Variants in ALOX12B observed in about 807,000 individuals in gnomAD.
ALOX12B encodes the protein arachidonate 12-lipoxygenase, 12R type, also known as arachidonate 12-lipoxygenase, 12R-type.
In ALOX12B, 47 loss-of-function variants were observed where a neutral mutation model predicts 78.9. The ratio of observed to expected loss-of-function variants is 0.60; its 90% CI spans 0.47 to 0.76. The LOEUF (loss-of-function observed/expected upper bound fraction) is 0.76. ALOX12B is among the 30% of genes least tolerant of loss of function. The pLI is 0.00. For synonymous variants in ALOX12B, 370 were observed against 374.5 expected (o/e 0.99, Z 0.14); for missense variants, 805 against 922.6 (o/e 0.87, Z 1.65).
intron 2 of ALOX12B, chr17:8,081,573 C>T (rs1977218837): frequency 9.7e-6 from 3 of 308,040 alleles, no homozygotes; most frequent in Non-Finnish European, 2.0e-5. Flanking sequence ...TAAGTAATTT[C>T]TCATCATCCA....
chr17:8,087,541 G>A lies in ALOX12B; in HGVS notation c.-99C>T. The A allele has an allele frequency of 6.3e-7, 1 of 1,587,574 alleles. No individual in the cohort carries two copies. Among genetic ancestry groups the A allele is most frequent in the Admixed American group, 1.7e-5 (1 of 59,632 alleles). ...GGCAAGAGAAGCCAGGCACAGAGTG[G>A]AGTGGACAGGGCTGGCCTCCGAGGT... is the stretch of plus-strand genomic sequence containing the variant. On this transcript the variant is annotated 5_prime_UTR_variant, in exon 1 of 15. Transcript: ENST00000647874.
chr17:8,085,938 C>A (rs1978295531), intron 2 of ALOX12B, 78 bp downstream of exon 2: 11 of 1,553,386 alleles, frequency 7.1e-6, no homozygotes, highest in South Asian at 1.1e-5. Context: ...TGATGGGAGC[C>A]TGGGTGCCAT....
At chr17:8,075,140 C>G (rs1453601737) in intron 12 of ALOX12B, among the ~76,000 whole-genome samples, 1 of 152,166 alleles carries the variant, frequency 6.6e-6, no homozygotes, top group Non-Finnish European at 1.5e-5. Flanking sequence ...TCCTCAATAA[C>G]CAGCACAGTG....
In ALOX12B at chr17:8,073,809, C is replaced by A. The variant is rs78234608; in HGVS notation, c.1655-52G>T. 6.5e-3 allele frequency: 9,606 copies of A among 1,472,068 alleles called. 221 individuals are homozygous for A. The highest frequency in any genetic ancestry group is 0.059 in the East Asian group (2,550 of 43,032). The allele number at this position is 1,472,068 out of a possible 1,614,324, so 91.2% of individuals were successfully genotyped here. On this transcript the variant is annotated intron_variant, in intron 12 of 14. Coordinates refer to ENST00000647874, the MANE Select transcript of ALOX12B (RefSeq NM_001139.3). ...GACATCAGTCGTGCCCTGGTACTGG[C>A]TGCCCGGCAGAGGGCGCCACCATGC...
intron 2 of ALOX12B, among the ~76,000 whole-genome samples, chr17:8,085,732 A>G (rs1221224961): frequency 6.6e-6 from 1 of 152,168 alleles, no homozygotes; most frequent in Non-Finnish European, 1.5e-5. Flanking sequence ...CTGGAGAGGT[A>G]GCGGGGAGCG....
intron 2 of ALOX12B, among the ~76,000 whole-genome samples, chr17:8,082,638 T>C (rs1455603281): frequency 2.6e-5 from 4 of 152,228 alleles, no homozygotes; most frequent in Non-Finnish European, 5.9e-5. Context: ...TCCCTTTCAG[T>C]GTTTCACCCT....
At chr17:8,072,995 C>A (rs770936055) in intron 14 of ALOX12B, 45 bp from the exon 15 acceptor site, 38 of 1,596,212 alleles carry the variant, frequency 2.4e-5, no homozygotes, top group Non-Finnish European at 3.0e-5. Context: ...CCGGCCAGCA[C>A]CCCCTCCTCC....
intron 12 of ALOX12B, among the ~76,000 whole-genome samples, chr17:8,074,606 C>T (rs188338130): frequency 2.5e-4 from 38 of 151,030 alleles, no homozygotes; most frequent in Middle Eastern, 3.4e-3. Flanking sequence ...GCTTCCCTAA[C>T]TGTCTCCTGA....
At chr17:8,078,112 TC>T (rs1203048642) in intron 8 of ALOX12B, among the ~76,000 whole-genome samples, 3 of 148,840 alleles carry the variant, frequency 2.0e-5, no homozygotes, top group Non-Finnish European at 4.4e-5. Flanking sequence ...CTATTTTATT[TC>T]ATTTTATTTA....
chr17:8,082,441 A>G (rs191449371), intron 2 of ALOX12B, among the ~76,000 whole-genome samples: 2 of 152,280 alleles, frequency 1.3e-5, no homozygotes, highest in Non-Finnish European at 2.9e-5. Flanking sequence ...CTGCTGTCTT[A>G]TCTATAAACA....
chr17:8,076,065 G>T, intron 11 of ALOX12B, 110 bp downstream of exon 11: 1 of 1,444,542 alleles, frequency 6.9e-7, no homozygotes, highest in Non-Finnish European at 9.6e-7. Flanking sequence ...CCAAGGCCAA[G>T]CCCCTGGATG....
chr17:8,076,111 C>T, intron 11 of ALOX12B, 64 bp downstream of exon 11: 1 of 1,605,596 alleles, frequency 6.2e-7, no homozygotes, highest in South Asian at 1.1e-5. Flanking sequence ...AGAAGCTCCC[C>T]ACACCCTCTC....
rs1217880464 is a variant in ALOX12B, at chr17:8,072,809, G to A, written c.2068C>T (p.Leu690=). Residue 690 remains leucine (L), a synonymous_variant, in exon 15 of 15, where the codon CTG becomes TTG. Coordinates refer to ENST00000647874, the MANE Select transcript of ALOX12B (RefSeq NM_001139.3). ...NKCLPIPYYY[L]DPVLIENSIS... ...CTGTTCTCAATCAGCACCGGGTCCA[G>A]GTAGTAGTAGGGGATGGGAAGGCAC... 1 of 1,614,262 alleles carries A rather than the reference G, an allele frequency of 6.2e-7. No individual in the cohort carries two copies. Among genetic ancestry groups the A allele is most frequent in the Middle Eastern group, 1.6e-4 (1 of 6,062 alleles).
At chr17:8,084,858 C>T (rs1455402763) in intron 2 of ALOX12B, among the ~76,000 whole-genome samples, 1 of 152,160 alleles carries the variant, frequency 6.6e-6, no homozygotes, top group Non-Finnish European at 1.5e-5. Flanking sequence ...GGCCCCCAGT[C>T]CTCATGCAGC....
chr17:8,086,923 G>T lies in ALOX12B; in HGVS notation c.147+373C>A, dbSNP rs192129897. 2.7e-3 allele frequency among the ~76,000 whole-genome samples: 408 copies of T among 152,210 alleles called. 6 individuals carry two copies. The highest frequency in any genetic ancestry group is 2.5e-3 in the East Asian group (13 of 5,182). On this transcript the variant is annotated intron_variant, in intron 1 of 14. Transcript: ENST00000647874. ...TTGAGAAAAGAGAGATGCAGGATAG[G>T]CAGAGACAGGGAGAGAGGGCTGAGG...
chr17:8,075,576 C>G lies in ALOX12B; in HGVS notation c.1654+19G>C. Reference sequence around the variant, plus strand: ...TCAGTCCCAGCTCCCCCTGATTGCCCAGGTGTCCAGGCCCATACCTGAGCT... The same window carrying G: ...TCAGTCCCAGCTCCCCCTGATTGCCGAGGTGTCCAGGCCCATACCTGAGCT... On this transcript the variant is annotated intron_variant, in intron 12 of 14. Transcript: ENST00000647874. 6.2e-7 allele frequency: 1 copy of G among 1,613,904 alleles called. No individual in the cohort carries two copies. Among genetic ancestry groups the G allele is most frequent in the Non-Finnish European group, 8.5e-7 (1 of 1,180,008 alleles).
rs1391259278 is a variant in ALOX12B at position 8,079,345 on chromosome 17, GCATTC to G, written c.1071+46_1071+50del. 1.2e-5 allele frequency: 19 copies of G among 1,547,870 alleles called. No homozygotes were observed. Among genetic ancestry groups the G allele is most frequent in the Non-Finnish European group, 1.7e-5 (19 of 1,146,186 alleles). ...CATAAGCGCGCGCACACTCGGAGGAGCATTCGCGCACACAGAGGCTCAGCGGCAGC... is the reference window on the plus strand; with the variant it reads ...CATAAGCGCGCGCACACTCGGAGGAGGCGCACACAGAGGCTCAGCGGCAGC... On this transcript the variant is annotated intron_variant, in intron 8 of 14. Coordinates refer to ENST00000647874, the MANE Select transcript of ALOX12B (RefSeq NM_001139.3). This position sits in a 1 kb window ranked among gnomAD's most constrained non-coding sequence, Gnocchi z 6.4.
intron 9 of ALOX12B, 26 bp from the exon 10 acceptor site, chr17:8,076,769 G>T: frequency 6.5e-7 from 1 of 1,547,176 alleles, no homozygotes; most frequent in East Asian, 2.4e-5. Context: ...GGAGGATGAA[G>T]AGAGAGGGCT....
At position 8,080,044 on chromosome 17, in the gene ALOX12B, G is replaced by T; in HGVS notation, c.755-103C>A. The T allele has an allele frequency of 1.3e-6, 2 of 1,527,618 alleles. No homozygotes were observed. Among genetic ancestry groups the T allele is most frequent in the Non-Finnish European group, 1.8e-6 (2 of 1,118,664 alleles). The allele number at this position is 1,527,618 out of a possible 1,614,324, so 94.6% of individuals were successfully genotyped here. A position where few individuals can be genotyped will look rare whatever the true frequency, so the allele number is the denominator to read the frequency against. ...TATGGGCACCGAGAGGAGTCGGGGA[G>T]GAAAACGAGGCCCCCAGCCTGGCGC... On this transcript the variant is annotated intron_variant, in intron 6 of 14. Transcript: ENST00000647874. This position sits in a 1 kb window ranked among gnomAD's most constrained non-coding sequence, Gnocchi z 4.8.
Sources: allele counts gnomAD v4.1 joint callset (sites outside exome capture counted in the v4.1 genomes callset), GRCh38; gene constraint gnomAD v4.1.1; non-coding constraint Gnocchi (gnomAD v3.1); transcripts MANE v1.5; gene names NCBI Gene and HGNC (gene_info 2026-07-23, HGNC 2026-07-21).